Variants in STAC observed in about 807,000 individuals in gnomAD.
STAC encodes SH3 and cysteine rich domain.
In STAC, 43 loss-of-function variants were observed where a neutral mutation model predicts 48.8. The observed-to-expected ratio is 0.88, with a 90% CI of 0.69 to 1.14. The LOEUF is 1.14. STAC is among the 50% of genes most tolerant of loss of function. The pLI, the probability that STAC is intolerant of heterozygous loss-of-function variation, is 0.00. For synonymous variants in STAC, 193 were observed against 179.5 expected (o/e 1.07, Z -0.60); for missense variants, 497 against 504.0 (o/e 0.99, Z 0.13).
chr3:36,464,460 T>A (rs1697109053), intron 2 of STAC, among the ~76,000 whole-genome samples: 1 of 152,114 alleles, frequency 6.6e-6, no homozygotes, highest in African/African-American at 2.4e-5. Flanking sequence ...TTTATTTCAA[T>A]AGATTTTCAG....
chr3:36,487,716 C>T (rs759332507), intron 5 of STAC, among the ~76,000 whole-genome samples: 7 of 152,066 alleles, frequency 4.6e-5, no homozygotes, highest in South Asian at 2.1e-4. Context: ...GTAACATACA[C>T]GTGTTAAGGA....
At chr3:36,407,405 T>C (rs1040980157) in intron 1 of STAC, among the ~76,000 whole-genome samples, 1 of 152,222 alleles carries the variant, frequency 6.6e-6, no homozygotes, top group Non-Finnish European at 1.5e-5. Flanking sequence ...TCCTAATTAA[T>C]TGGTAGAAGC....
chr3:36,389,441 C>T (rs1699704428), intron 1 of STAC, among the ~76,000 whole-genome samples: 1 of 152,072 alleles, frequency 6.6e-6, no homozygotes, highest in South Asian at 2.1e-4. Flanking sequence ...CTAATCACCT[C>T]CCAAAGCCCT....
At chr3:36,472,756 G>C (rs1275821351) in intron 2 of STAC, among the ~76,000 whole-genome samples, 2 of 152,156 alleles carry the variant, frequency 1.3e-5, no homozygotes, top group Admixed American at 6.5e-5. Context: ...ACCTCAGCCT[G>C]GATCTTATTA....
chr3:36,396,764 A>G (rs1472845371), intron 1 of STAC, among the ~76,000 whole-genome samples: 2 of 152,194 alleles, frequency 1.3e-5, no homozygotes, highest in Non-Finnish European at 2.9e-5. Context: ...TATCGTTTTT[A>G]TAATTTCCTT....
At chr3:36,505,876 A>G in intron 8 of STAC, 42 bp downstream of exon 8, 1 of 1,392,960 alleles carries the variant, frequency 7.2e-7, no homozygotes, top group Non-Finnish European at 1.0e-6. Flanking sequence ...AAAATTTTAA[A>G]GTCAGTATTT....
intron 1 of STAC, among the ~76,000 whole-genome samples, chr3:36,430,207 G>T (rs1260005804): frequency 6.6e-6 from 1 of 152,194 alleles, no homozygotes; most frequent in African/African-American, 2.4e-5. Context: ...GCATGTTGGA[G>T]ATCCAAAGAT....
chr3:36,453,923 T>C (rs1696770299), intron 2 of STAC, among the ~76,000 whole-genome samples: 2 of 152,132 alleles, frequency 1.3e-5, no homozygotes, highest in South Asian at 4.1e-4. Context: ...ACTCTGTATC[T>C]AGCTACTCTG....
intron 1 of STAC, among the ~76,000 whole-genome samples, chr3:36,414,069 T>A (rs1700259249): frequency 6.6e-6 from 1 of 152,358 alleles, no homozygotes; most frequent in Middle Eastern, 3.4e-3. Context: ...GGCTACCCTT[T>A]GTGGGTAACC....
At chr3:36,420,361 C>A (rs1233048832) in intron 1 of STAC, among the ~76,000 whole-genome samples, 1 of 152,168 alleles carries the variant, frequency 6.6e-6, no homozygotes, top group African/African-American at 2.4e-5. Context: ...CTTTTTCAGT[C>A]CCTTGCTTTT....
intron 2 of STAC, among the ~76,000 whole-genome samples, chr3:36,453,693 G>A (rs1402212190): frequency 4.7e-5 from 2 of 42,540 alleles, no homozygotes; most frequent in Non-Finnish European, 1.2e-4. Context: ...TGCTGGCGCA[G>A]GGCGCGGGAC....
chr3:36,536,379 T>C (rs1699198609), intron 10 of STAC, among the ~76,000 whole-genome samples: 1 of 152,192 alleles, frequency 6.6e-6, no homozygotes. Context: ...AACAGCATGG[T>C]ACTGGTACAA....
At chr3:36,384,872 A>C (rs1180474148) in intron 1 of STAC, among the ~76,000 whole-genome samples, 1 of 152,204 alleles carries the variant, frequency 6.6e-6, no homozygotes, top group Non-Finnish European at 1.5e-5. Context: ...TGAATCTCCC[A>C]GAAAGATTTC....
In STAC at chr3:36,488,692, A is replaced by G. The variant is rs116378177; in HGVS notation, c.687+2443A>G. On this transcript the variant is annotated intron_variant, in intron 5 of 10. Transcript: ENST00000273183. Reference sequence around the variant, plus strand: ...TTAGGTCCTATAATTCAAAACTGAGAAATAATATCAAAGATACCCTTAGTA... The same window carrying G: ...TTAGGTCCTATAATTCAAAACTGAGGAATAATATCAAAGATACCCTTAGTA... 4.4e-3 allele frequency among the ~76,000 whole-genome samples: 675 copies of G among 152,304 alleles called. 4 individuals carry two copies. Among genetic ancestry groups the G allele is most frequent in the African/African-American group, 0.015 (633 of 41,560 alleles).
At chr3:36,493,697 C>A (rs1698057126) in intron 6 of STAC, among the ~76,000 whole-genome samples, 1 of 152,080 alleles carries the variant, frequency 6.6e-6, no homozygotes, top group Non-Finnish European at 1.5e-5. Context: ...GCTCCTTCCC[C>A]AGCAGAGACA....
intron 1 of STAC, among the ~76,000 whole-genome samples, chr3:36,424,519 A>G (rs1700519580): frequency 6.6e-6 from 1 of 152,188 alleles, no homozygotes; most frequent in Non-Finnish European, 1.5e-5. Context: ...TTCAGAGCCC[A>G]AAATTAATGC....
rs539278555 is a variant in STAC, at chr3:36,485,068, G to T, written c.571+10G>T. The T allele has an allele frequency of 6.3e-7, 1 of 1,595,924 alleles. No homozygotes were observed. The highest frequency in any genetic ancestry group is 8.5e-7 in the Non-Finnish European group (1 of 1,171,106). On this transcript the variant is annotated intron_variant, in intron 4 of 10. Coordinates refer to ENST00000273183, the MANE Select transcript of STAC (RefSeq NM_003149.3). ...GAAGTTATGCCCATTGGTGAGTTGGGACATTGATGGGTTGAGTTGAGTTTG... is the reference window on the plus strand; with the variant it reads ...GAAGTTATGCCCATTGGTGAGTTGGTACATTGATGGGTTGAGTTGAGTTTG...
rs188597372 is a variant in STAC at position 36,475,809 on chromosome 3, C to T, written c.389-7183C>T. ...GAGGAGAGTAGGAGGATATGAAGAG[C>T]CAGTAGCAGAGACAGAGAGAGTGGC... On this transcript the variant is annotated intron_variant, in intron 2 of 10. Coordinates refer to ENST00000273183, the MANE Select transcript of STAC (RefSeq NM_003149.3). Among the ~76,000 whole-genome samples the T allele has an allele frequency of 1.1e-4, 16 of 152,296 alleles. No individual in the cohort carries two copies. The East Asian group carries it at 3.1e-3, about 29-fold the overall frequency.
At chr3:36,461,985 T>A (rs1332872054) in intron 2 of STAC, among the ~76,000 whole-genome samples, 1 of 152,100 alleles carries the variant, frequency 6.6e-6, no homozygotes, top group African/African-American at 2.4e-5. Flanking sequence ...AAAATAGACT[T>A]CAATGGCGTG....
Sources: gnomAD v4.1 joint callset for allele counts (sites outside exome capture counted in the v4.1 genomes callset) on GRCh38, gnomAD v4.1.1 for gene constraint, MANE v1.5 for transcripts, NCBI Gene and HGNC (gene_info 2026-07-23, HGNC 2026-07-21) for gene names.